Variants in MGLL observed in about 807,000 individuals in gnomAD.
MGLL encodes the protein lysophospholipase homolog.
In MGLL, 7 loss-of-function variants were observed where a neutral mutation model predicts 29.1. The observed-to-expected ratio is 0.24, with a 90% CI of 0.14 to 0.45. MGLL has a LOEUF of 0.45. MGLL is among the 20% of genes least tolerant of loss of function. MGLL has a pLI of 0.99. For synonymous variants in MGLL, 148 were observed against 168.3 expected (o/e 0.88, Z 0.93); for missense variants, 356 against 413.6 (o/e 0.86, Z 1.21).
At chr3:127,747,951 C>T (rs1005937927) in intron 3 of MGLL, among the ~76,000 whole-genome samples, 1 of 152,132 alleles carries the variant, frequency 6.6e-6, no homozygotes, top group South Asian at 2.1e-4. Context: ...CACTCGGGGA[C>T]CTGGTGTTGA....
chr3:127,822,635 A>G (rs1245480394), upstream of MGLL: 2 of 418,002 alleles, frequency 4.8e-6, no homozygotes, highest in East Asian at 9.4e-5. Context: ...GGCCCGGGAA[A>G]CTGGGAAACT....
At chr3:127,804,195 A>G (rs78079113) in intron 2 of MGLL, among the ~76,000 whole-genome samples, 2,750 of 152,374 alleles carry the variant, frequency 0.018, 85 homozygotes, top group African/African-American at 0.062. Context: ...AGCAGGAATT[A>G]CCACCCGGAA....
intron 2 of MGLL, among the ~76,000 whole-genome samples, chr3:127,820,721 G>A (rs2077843947): frequency 6.6e-6 from 1 of 152,210 alleles, no homozygotes. Flanking sequence ...AGAACTGGTA[G>A]GAACTCTTCT....
chr3:127,716,156 G>C (rs998475607), intron 5 of MGLL, among the ~76,000 whole-genome samples: 1 of 152,252 alleles, frequency 6.6e-6, no homozygotes, highest in East Asian at 1.9e-4. Flanking sequence ...ACAGTCACTA[G>C]ACCCCAACCC....
intron 3 of MGLL, among the ~76,000 whole-genome samples, chr3:127,767,017 G>A (rs2076869479): frequency 6.6e-6 from 1 of 152,072 alleles, no homozygotes; most frequent in South Asian, 2.1e-4. Context: ...ATTGCAGGTA[G>A]GGCCGAGATT....
At chr3:127,787,723 C>T (rs915051937) in intron 2 of MGLL, among the ~76,000 whole-genome samples, 5 of 152,234 alleles carry the variant, frequency 3.3e-5, no homozygotes, top group Admixed American at 3.3e-4. Flanking sequence ...GCAGTGCCTG[C>T]TCTTGGTTCT....
Position 127,735,932 on chromosome 3 carries a change from A to G in MGLL, c.263-13366T>C, listed in dbSNP as rs1012020989. Reference sequence around the variant, plus strand: ...GGGCAGCTGGTCTGCACCTTCAGTTAGAATCCTGGCTCTCTTAGAGTGCAA... The same window carrying G: ...GGGCAGCTGGTCTGCACCTTCAGTTGGAATCCTGGCTCTCTTAGAGTGCAA... On this transcript the variant is annotated intron_variant, in intron 3 of 7. Transcript: ENST00000265052. The G allele has an allele frequency of 1.1e-5, 17 of 1,503,762 alleles. No homozygotes were observed. The Admixed American group carries it at 2.8e-4, about 25-fold the overall frequency. 93.2% of individuals were successfully genotyped at this position (1,503,762 alleles called of 1,614,324 possible).
chr3:127,739,923 G>T (rs1288157262), intron 3 of MGLL, among the ~76,000 whole-genome samples: 2 of 152,198 alleles, frequency 1.3e-5, no homozygotes, highest in African/African-American at 2.4e-5. Context: ...AGCACGTATA[G>T]AGACTCATAA....
intron 3 of MGLL, among the ~76,000 whole-genome samples, chr3:127,748,242 G>T (rs145431843): frequency 6.6e-6 from 1 of 152,098 alleles, no homozygotes; most frequent in Admixed American, 6.5e-5. Flanking sequence ...ACAAAGAGGC[G>T]CCTGACACTC....
chr3:127,694,886 C>T lies in MGLL; in HGVS notation c.816+89G>A, dbSNP rs534792401. On this transcript the variant is annotated intron_variant, in intron 7 of 7. Transcript: ENST00000265052. ...ATCCTGAGACCTGGGAGGTGGCCCT[C>T]GAGGGTCTGGGCAGATGTGCCCCAA... The T allele has an allele frequency of 2.7e-4, 358 of 1,343,070 alleles. 4 individuals are homozygous for T. The South Asian group carries it at 3.9e-3, about 15-fold the overall frequency. 83.2% of individuals were successfully genotyped at this position (1,343,070 alleles called of 1,614,324 possible).
At chr3:127,821,430 CAT>C (rs2077857938) in intron 2 of MGLL, among the ~76,000 whole-genome samples, 2 of 152,156 alleles carry the variant, frequency 1.3e-5, no homozygotes, top group African/African-American at 2.4e-5. Flanking sequence ...AAAATAAAGT[CAT>C]GTGGAATTTT....
rs529192718 is a variant in MGLL, at chr3:127,729,550, GT to G, written c.263-6985del. ...GTACCGATTTAGTGGCATTTAGTAT[GT>G]CCACAATATTGTTGCAACACTATCT... is the stretch of plus-strand genomic sequence containing the variant. On this transcript the variant is annotated intron_variant, in intron 3 of 7. Transcript: ENST00000265052. 5.3e-5 allele frequency among the ~76,000 whole-genome samples: 8 copies of G among 152,186 alleles called. No individual in the cohort carries two copies. The East Asian group carries it at 1.4e-3, about 26-fold the overall frequency.
At chr3:127,729,418 C>G (rs574024101) in intron 3 of MGLL, among the ~76,000 whole-genome samples, 3 of 152,222 alleles carry the variant, frequency 2.0e-5, no homozygotes, top group Non-Finnish European at 4.4e-5. Flanking sequence ...GAATCTTTGA[C>G]CCATTTGAAT....
At chr3:127,726,474 CTGTTG>C (rs1162312994) in intron 3 of MGLL, among the ~76,000 whole-genome samples, 2 of 152,056 alleles carry the variant, frequency 1.3e-5, no homozygotes, top group Non-Finnish European at 2.9e-5. Flanking sequence ...GAGTCTCACT[CTGTTG>C]CCCAAGCTGG....
rs148177886 is a variant in MGLL at position 127,736,623 on chromosome 3, C to A, written c.263-14057G>T. ...AGAGAAAAGAGCCTCATTTGTTAAG[C>A]ACTTGCGGTATGCCTGGCCCCATGC... On this transcript the variant is annotated intron_variant, in intron 3 of 7. Transcript: ENST00000265052. Among the ~76,000 whole-genome samples, 66 of 152,244 alleles carry A rather than the reference C, an allele frequency of 4.3e-4. 1 individual carries two copies. Among genetic ancestry groups the A allele is most frequent in the African/African-American group, 1.5e-3 (63 of 41,466 alleles).
At position 127,759,107 on chromosome 3, in the gene MGLL, T is replaced by G. The variant is rs191139675; in HGVS notation, c.262+22682A>C. On this transcript the variant is annotated intron_variant, in intron 3 of 7. Coordinates refer to ENST00000265052, the MANE Select transcript of MGLL (RefSeq NM_007283.7). ...AAGCCTGGCTAATTTTTGTATTTAG[T>G]AGAGATGAGGTTTCGCCATGTTGGC... Among the ~76,000 whole-genome samples, 388 of 152,156 alleles carry G rather than the reference T, an allele frequency of 2.6e-3. 1 individual carries two copies. Among genetic ancestry groups the G allele is most frequent in the African/African-American group, 8.8e-3 (366 of 41,496 alleles).
chr3:127,786,733 T>C (rs906887414), intron 2 of MGLL, among the ~76,000 whole-genome samples: 1 of 152,084 alleles, frequency 6.6e-6, no homozygotes, highest in Non-Finnish European at 1.5e-5. Context: ...ACCCGTGAAG[T>C]GGGGATAATC....
At chr3:127,799,729 T>C (rs902810796) in intron 2 of MGLL, among the ~76,000 whole-genome samples, 4 of 152,152 alleles carry the variant, frequency 2.6e-5, no homozygotes, top group African/African-American at 9.7e-5. Flanking sequence ...AGCAGCTCAC[T>C]ACAGTAGTAC....
At chr3:127,736,093 C>G (rs764128753) in intron 3 of MGLL, 3 of 1,250,858 alleles carry the variant, frequency 2.4e-6, no homozygotes, top group Non-Finnish European at 3.0e-6. Flanking sequence ...AGTTCCCAAA[C>G]AGTGCTAGTT....
Sources: allele counts gnomAD v4.1 joint callset (sites outside exome capture counted in the v4.1 genomes callset), GRCh38; gene constraint gnomAD v4.1.1; transcripts MANE v1.5; gene names NCBI Gene and HGNC (gene_info 2026-07-23, HGNC 2026-07-21).